Variants in GRXCR1 observed in about 807,000 individuals in gnomAD.
GRXCR1 encodes glutaredoxin domain-containing cysteine-rich protein 1.
A neutral mutation model predicts 27.3 loss-of-function variants in GRXCR1; 27 were observed. That is an observed-to-expected ratio of 0.99 (90% CI 0.73 to 1.37). GRXCR1 has a LOEUF of 1.37. GRXCR1 is among the 40% of genes most tolerant of loss of function. The pLI, the probability that GRXCR1 is intolerant of heterozygous loss-of-function variation, is 0.00. For missense variants in GRXCR1, 379 were observed against 354.4 expected (o/e 1.07, Z -0.56); for synonymous variants, 122 against 131.1 (o/e 0.93, Z 0.47).
At chr4:42,932,578 A>ATG (rs1491586068) in intron 1 of GRXCR1, among the ~76,000 whole-genome samples, 1 of 23,812 alleles carries the variant, frequency 4.2e-5, no homozygotes, top group Non-Finnish European at 7.0e-5. Context: ...ACTCCCTTCC[A>ATG]TATATATATA....
intron 2 of GRXCR1, among the ~76,000 whole-genome samples, chr4:43,011,787 A>T (rs1471279648): frequency 1.3e-5 from 2 of 152,178 alleles, no homozygotes; most frequent in Non-Finnish European, 2.9e-5. Context: ...AAGCTTCAGC[A>T]CATTGTAGGG....
chr4:42,917,382 G>T (rs1452494269), intron 1 of GRXCR1, among the ~76,000 whole-genome samples: 4 of 152,274 alleles, frequency 2.6e-5, no homozygotes, highest in East Asian at 3.9e-4. Context: ...GAATGAAATT[G>T]TTTTGTTGTG....
At chr4:42,981,608 T>G (rs1184695338) in intron 2 of GRXCR1, among the ~76,000 whole-genome samples, 1 of 152,232 alleles carries the variant, frequency 6.6e-6, no homozygotes, top group Non-Finnish European at 1.5e-5. Context: ...TCATTTCTTG[T>G]AAGACAGATC....
intron 1 of GRXCR1, among the ~76,000 whole-genome samples, chr4:42,910,949 C>T (rs1307099172): frequency 1.3e-5 from 2 of 152,070 alleles, no homozygotes; most frequent in East Asian, 3.9e-4. Context: ...CCATGGTTCT[C>T]CTCTTAGTGT....
chr4:42,980,863 C>CA (rs1487180618), intron 2 of GRXCR1, among the ~76,000 whole-genome samples: 1 of 151,656 alleles, frequency 6.6e-6, no homozygotes, highest in Non-Finnish European at 1.5e-5. Context: ...CCATTTTCAT[C>CA]AAAAATCTTT....
At chr4:42,945,291 G>T (rs41430651) in intron 1 of GRXCR1, among the ~76,000 whole-genome samples, 25,492 of 152,076 alleles carry the variant, frequency 0.17, 2,428 homozygotes, top group South Asian at 0.3. Context: ...GACTCAGACA[G>T]TTGCTCATGA....
chr4:42,988,317 G>C (rs1190076722), intron 2 of GRXCR1, among the ~76,000 whole-genome samples: 3 of 152,146 alleles, frequency 2.0e-5, no homozygotes, highest in African/African-American at 7.2e-5. Context: ...CACTGATGCA[G>C]AGTGACACCA....
intron 2 of GRXCR1, among the ~76,000 whole-genome samples, chr4:43,010,600 G>T (rs1477240108): frequency 1.3e-5 from 2 of 152,030 alleles, no homozygotes; most frequent in Non-Finnish European, 2.9e-5. Context: ...GGATGGGGGT[G>T]GGGTGGGGAT....
At chr4:42,993,329 G>T (rs894698147) in intron 2 of GRXCR1, among the ~76,000 whole-genome samples, 1 of 151,862 alleles carries the variant, frequency 6.6e-6, no homozygotes, top group Non-Finnish European at 1.5e-5. Flanking sequence ...ATGCCTCTCT[G>T]CCCCGAGCTG....
intron 1 of GRXCR1, among the ~76,000 whole-genome samples, chr4:42,935,551 C>T (rs941114635): frequency 6.6e-6 from 1 of 151,754 alleles, no homozygotes; most frequent in African/African-American, 2.4e-5. Context: ...TTCTGACAGT[C>T]AGATGGCACA....
chr4:42,898,497 G>T (rs1242668135), intron 1 of GRXCR1, among the ~76,000 whole-genome samples: 1 of 151,860 alleles, frequency 6.6e-6, no homozygotes, highest in African/African-American at 2.4e-5. Flanking sequence ...ATGCATCTCT[G>T]GTTCACTGAA....
intron 1 of GRXCR1, among the ~76,000 whole-genome samples, chr4:42,934,028 A>T (rs928481937): frequency 2.0e-5 from 3 of 151,884 alleles, no homozygotes; most frequent in Non-Finnish European, 2.9e-5. Context: ...CATGTTCCAG[A>T]TCAAAGTTTC....
intron 2 of GRXCR1, among the ~76,000 whole-genome samples, chr4:42,992,463 C>T (rs1265660451): frequency 6.6e-6 from 1 of 151,990 alleles, no homozygotes; most frequent in Non-Finnish European, 1.5e-5. Flanking sequence ...ATGTAGGGAG[C>T]TATTTTTTTC....
At chr4:42,933,824 C>T (rs995614439) in intron 1 of GRXCR1, among the ~76,000 whole-genome samples, 3 of 151,814 alleles carry the variant, frequency 2.0e-5, no homozygotes, top group Non-Finnish European at 4.4e-5. Flanking sequence ...TTTAAAGCCA[C>T]CCAGTTGATG....
intron 1 of GRXCR1, among the ~76,000 whole-genome samples, chr4:42,931,972 A>C (rs901030563): frequency 6.6e-6 from 1 of 151,888 alleles, no homozygotes; most frequent in African/African-American, 2.4e-5. Context: ...AGGCAGAGAA[A>C]CTACCCTTTA....
At chr4:42,923,081 A>G (rs77623174) in intron 1 of GRXCR1, among the ~76,000 whole-genome samples, 1 of 152,166 alleles carries the variant, frequency 6.6e-6, no homozygotes, top group African/African-American at 2.4e-5. Flanking sequence ...ATACCTCTCA[A>G]TCTTGATGAA....
At chr4:42,951,928 G>T (rs1007947029) in intron 1 of GRXCR1, among the ~76,000 whole-genome samples, 1 of 152,120 alleles carries the variant, frequency 6.6e-6, no homozygotes, top group African/African-American at 2.4e-5. Flanking sequence ...TAACGTCTAG[G>T]CTCATTCAGT....
At chr4:42,950,271 T>G (rs1274638319) in intron 1 of GRXCR1, among the ~76,000 whole-genome samples, 1 of 152,136 alleles carries the variant, frequency 6.6e-6, no homozygotes, top group Non-Finnish European at 1.5e-5. Context: ...TGTAGTCCCT[T>G]TTCTTCTGGT....
intron 1 of GRXCR1, among the ~76,000 whole-genome samples, chr4:42,931,855 T>C (rs1031864831): frequency 6.6e-6 from 1 of 151,938 alleles, no homozygotes; most frequent in Non-Finnish European, 1.5e-5. Context: ...CCTGGGTAAT[T>C]TATAAAGGAA....
Sources: allele counts gnomAD v4.1 joint callset (sites outside exome capture counted in the v4.1 genomes callset), GRCh38; gene constraint gnomAD v4.1.1; transcripts MANE v1.5; gene names NCBI Gene and HGNC (gene_info 2026-07-23, HGNC 2026-07-21).